Variants in PHF14 observed in about 807,000 individuals in gnomAD.
PHF14 encodes the protein PHD finger protein 14.
A neutral mutation model predicts 117.9 loss-of-function variants in PHF14; 55 were observed. That is an observed-to-expected ratio of 0.47 (90% confidence interval 0.38 to 0.58). PHF14 has a LOEUF of 0.58. Among genes scored for constraint, PHF14 ranks in the 20% least tolerant of loss-of-function variants. The probability of loss-of-function intolerance (pLI) is 0.00; values close to 1 mark genes in which losing one functional copy is unlikely to be tolerated. For synonymous variants in PHF14, 409 were observed against 368.6 expected (o/e 1.11, Z -1.26); for missense variants, 978 against 1,122.2 (o/e 0.87, Z 1.84).
chr7:11,032,434 G>A lies in PHF14; in HGVS notation c.1456-3206G>A, dbSNP rs187887740. 3.5e-4 allele frequency among the ~76,000 whole-genome samples: 53 copies of A among 151,608 alleles called. 3 individuals carry two copies. The highest frequency in any genetic ancestry group is 1.3e-3 in the African/African-American group (52 of 41,294). ...GTTCTCAATGTACAAGACCGAAGTTGTGTCTTCTTTCAGTTTATATAACTT... is the reference window on the plus strand; with the variant it reads ...GTTCTCAATGTACAAGACCGAAGTTATGTCTTCTTTCAGTTTATATAACTT... On this transcript the variant is annotated intron_variant, in intron 7 of 17. Coordinates refer to ENST00000634607, the MANE Select transcript of PHF14 (RefSeq NM_001007157.2).
At chr7:11,106,353 A>T in intron 16 of PHF14, 1 of 980,456 alleles carries the variant, frequency 1.0e-6, no homozygotes, top group Non-Finnish European at 1.2e-6. Flanking sequence ...GGTATTAATG[A>T]AATAGGTTCA....
At chr7:10,990,134 T>A (rs578183195) in intron 3 of PHF14, among the ~76,000 whole-genome samples, 1 of 152,334 alleles carries the variant, frequency 6.6e-6, no homozygotes, top group African/African-American at 2.4e-5. Context: ...AGTTTGATAA[T>A]GCTGGAATTT....
chr7:11,054,945 AT>A (rs1233096914), intron 14 of PHF14, among the ~76,000 whole-genome samples: 2 of 151,890 alleles, frequency 1.3e-5, no homozygotes, highest in Non-Finnish European at 1.5e-5. Flanking sequence ...TTTGAAGAAA[AT>A]TTTACCTTCA....
chr7:11,098,395 C>T (rs1786956645), intron 16 of PHF14, among the ~76,000 whole-genome samples: 2 of 152,118 alleles, frequency 1.3e-5, no homozygotes, highest in South Asian at 2.1e-4. Flanking sequence ...TTGCTGTTTT[C>T]TCTTGCCGCC....
At chr7:11,021,289 A>C (rs959876768) in intron 5 of PHF14, among the ~76,000 whole-genome samples, 29 of 152,222 alleles carry the variant, frequency 1.9e-4, no homozygotes, top group African/African-American at 6.3e-4. Flanking sequence ...TAAAGTAACA[A>C]GGAAGATTTT....
At chr7:11,002,508 G>C (rs186974875) in intron 4 of PHF14, among the ~76,000 whole-genome samples, 1 of 151,772 alleles carries the variant, frequency 6.6e-6, no homozygotes, top group East Asian at 2.0e-4. Context: ...GAGCAATCTC[G>C]ACTCACTGCA....
chr7:11,113,011 A>C (rs564947047), intron 17 of PHF14, among the ~76,000 whole-genome samples: 1 of 152,034 alleles, frequency 6.6e-6, no homozygotes. Context: ...ATAATGAAAC[A>C]CTATGGAGTT....
intron 5 of PHF14, among the ~76,000 whole-genome samples, chr7:11,021,546 C>T (rs1783735872): frequency 6.6e-6 from 1 of 151,932 alleles, no homozygotes; most frequent in South Asian, 2.1e-4. Context: ...TACTTGTGTA[C>T]TACATTTTAA....
chr7:11,007,091 C>T (rs979332767), intron 4 of PHF14, among the ~76,000 whole-genome samples: 5 of 151,824 alleles, frequency 3.3e-5, no homozygotes, highest in South Asian at 2.1e-4. Context: ...GCAGGAGAAT[C>T]GCTTGAACCC....
intron 7 of PHF14, among the ~76,000 whole-genome samples, chr7:11,033,800 C>T (rs531639954): frequency 3.5e-4 from 53 of 152,148 alleles, no homozygotes; most frequent in African/African-American, 1.3e-3. Context: ...GGCTGAGGTT[C>T]GGTATAATCT....
At chr7:11,018,121 G>T (rs1313039903) in intron 5 of PHF14, among the ~76,000 whole-genome samples, 3 of 152,184 alleles carry the variant, frequency 2.0e-5, no homozygotes, top group African/African-American at 7.2e-5. Context: ...TTTGTTCTGT[G>T]TATTTGTTTT....
rs187528992 is a variant in PHF14 at position 11,028,305 on chromosome 7, G to A, written c.1318-376G>A. Reference sequence around the variant, plus strand: ...GTACTGAAAGTGTGGATTCTGCTGAGCGTGTATTGTTTTTGCAACATTGTA... The same window carrying A: ...GTACTGAAAGTGTGGATTCTGCTGAACGTGTATTGTTTTTGCAACATTGTA... On this transcript the variant is annotated intron_variant, in intron 6 of 17. Coordinates refer to ENST00000634607, the MANE Select transcript of PHF14 (RefSeq NM_001007157.2). 1.8e-4 allele frequency among the ~76,000 whole-genome samples: 27 copies of A among 152,250 alleles called. 1 individual carries two copies. Among genetic ancestry groups the A allele is most frequent in the African/African-American group, 4.8e-4 (20 of 41,550 alleles).
chr7:11,020,184 G>A (rs1347818406), intron 5 of PHF14, among the ~76,000 whole-genome samples: 1 of 151,918 alleles, frequency 6.6e-6, no homozygotes, highest in East Asian at 1.9e-4. Context: ...TGCCTCCTGG[G>A]CTCAGGTGAT....
chr7:11,069,614 C>T (rs1785540807), intron 16 of PHF14, among the ~76,000 whole-genome samples: 1 of 128,758 alleles, frequency 7.8e-6, no homozygotes, highest in Admixed American at 8.1e-5. Flanking sequence ...TCCCTCCCTC[C>T]CTCCCTCCCT....
At chr7:11,022,106 A>G (rs987494577) in intron 5 of PHF14, among the ~76,000 whole-genome samples, 4 of 152,194 alleles carry the variant, frequency 2.6e-5, no homozygotes, top group African/African-American at 9.6e-5. Flanking sequence ...AAAAAGGTTC[A>G]GAGCAGTTTT....
chr7:11,049,355 G>C (rs1464716407), intron 13 of PHF14, among the ~76,000 whole-genome samples: 3 of 151,584 alleles, frequency 2.0e-5, no homozygotes, highest in African/African-American at 7.3e-5. Flanking sequence ...CACACCTGTA[G>C]TCCCAGCTAC....
chr7:10,987,227 T>G (rs1156918214), intron 3 of PHF14, among the ~76,000 whole-genome samples: 1 of 152,194 alleles, frequency 6.6e-6, no homozygotes, highest in Non-Finnish European at 1.5e-5. Flanking sequence ...TTCATGAGAA[T>G]TTAACCTTTT....
At position 11,133,369 on chromosome 7, in the gene PHF14, A is replaced by G. The variant is rs544595210; in HGVS notation, c.2772+21902A>G. On this transcript the variant is annotated intron_variant, in intron 17 of 17. Transcript: ENST00000634607. Reference sequence around the variant, plus strand: ...AAGACAAATAGGTCAATGAAACAGAATAGAGAGCCCAGAGATAGACCCACA... The same window carrying G: ...AAGACAAATAGGTCAATGAAACAGAGTAGAGAGCCCAGAGATAGACCCACA... Among the ~76,000 whole-genome samples, 218 of 152,102 alleles carry G rather than the reference A, an allele frequency of 1.4e-3. 13 individuals carry two copies. In the South Asian group the frequency reaches 0.044, roughly 31 times the overall value.
At chr7:11,032,312 T>G (rs1046638812) in intron 7 of PHF14, among the ~76,000 whole-genome samples, 8 of 152,174 alleles carry the variant, frequency 5.3e-5, no homozygotes, top group African/African-American at 1.9e-4. Flanking sequence ...TATTTAAATG[T>G]TTCTGGTTTC....
Sources: gnomAD v4.1 joint callset for allele counts (sites outside exome capture counted in the v4.1 genomes callset) on GRCh38, gnomAD v4.1.1 for gene constraint, MANE v1.5 for transcripts, NCBI Gene and HGNC (gene_info 2026-07-23, HGNC 2026-07-21) for gene names.